UBXN8: variants seen among roughly 807,000 people sequenced by gnomAD.
UBXN8 encodes the protein UBX domain protein 8.
A neutral mutation model predicts 32.1 loss-of-function variants in UBXN8; 27 were observed. That is an observed-to-expected ratio of 0.84 (90% CI 0.62 to 1.16). The LOEUF (loss-of-function observed/expected upper bound fraction) is 1.16. UBXN8 is among the 50% of genes most tolerant of loss of function. The pLI is 0.00. For missense variants in UBXN8, 306 were observed against 311.4 expected (o/e 0.98, Z 0.13); for synonymous variants, 109 against 111.8 (o/e 0.98, Z 0.16).
At position 30,759,267 on chromosome 8, in the gene UBXN8, ACT is replaced by A. The variant is rs547567715; in HGVS notation, c.529-1618_529-1617del. On this transcript the variant is annotated intron_variant, in intron 5 of 7. Transcript: ENST00000265616. The stretch of plus-strand genomic sequence containing the variant: ...TTTTATTTTTTTGAGACAGAGCCTC[ACT>A]CTGTCACCCAGGCTGGAGTGCAGTG... Among the ~76,000 whole-genome samples, 557 of 146,264 alleles carry A rather than the reference ACT, an allele frequency of 3.8e-3. 5 individuals carry two copies. The highest frequency in any genetic ancestry group is 0.014 in the African/African-American group (528 of 38,316).
intron 1 of UBXN8, among the ~76,000 whole-genome samples, chr8:30,750,621 A>C (rs1805494795): frequency 6.6e-6 from 1 of 151,926 alleles, no homozygotes; most frequent in Admixed American, 6.6e-5. Flanking sequence ...AAAATACAAA[A>C]AATTAGCCAG....
rs1805520655 is a variant in UBXN8 at position 30,751,456 on chromosome 8, T to C, written c.149T>C (p.Leu50Ser). 6.2e-7 allele frequency: 1 copy of C among 1,610,494 alleles called. No individual in the cohort carries two copies. The highest frequency in any genetic ancestry group is 1.7e-5 in the Admixed American group (1 of 59,504). ...TTGCTACTGCTTGCTCTTCTTACTT[T>C]AACTATTTCTGTGACTACCTCATGG... The part of the protein sequence containing the change: ...RILLLLALLT[L>S]TISVTTSWLN... Residue 50 changes from leucine to serine, a missense_variant, in exon 2 of 8, where the codon TTA (leucine) becomes TCA (serine). Transcript: ENST00000265616.
chr8:30,763,153 T>C, intron 6 of UBXN8, 120 bp from the exon 7 acceptor site: 1 of 974,684 alleles, frequency 1.0e-6, no homozygotes, highest in Non-Finnish European at 1.6e-6. Flanking sequence ...CCTACCTATG[T>C]CTTTTAATAA....
At chr8:30,755,176 C>T (rs1363718672) in intron 4 of UBXN8, among the ~76,000 whole-genome samples, 1 of 151,990 alleles carries the variant, frequency 6.6e-6, no homozygotes, top group Non-Finnish European at 1.5e-5. Context: ...AGGATGGTCT[C>T]AATCTCCTGA....
At position 30,763,273 on chromosome 8, in the gene UBXN8, GT is replaced by G; in HGVS notation, c.572del (p.Val191GlufsTer14). ...PEEPSQTAEE[V>X]VTVALRCPSG... The stretch of plus-strand genomic sequence containing the variant: ...TCTTATGTGAATATTTCTTCCTTAG[GT>G]AGTTACTGTTGCTCTCCGATGTCCC... On this transcript the variant is annotated frameshift_variant and splice_region_variant, in exon 7 of 8. Coordinates refer to ENST00000265616, the MANE Select transcript of UBXN8 (RefSeq NM_005671.4). LOFTEE classifies it high-confidence loss of function. The G allele has an allele frequency of 6.2e-7, 1 of 1,613,770 alleles. No individual in the cohort carries two copies. The highest frequency in any genetic ancestry group is 1.1e-5 in the South Asian group (1 of 91,082).
intron 4 of UBXN8, among the ~76,000 whole-genome samples, chr8:30,755,713 G>A (rs1170044981): frequency 7.4e-6 from 1 of 134,736 alleles, no homozygotes; most frequent in Non-Finnish European, 1.6e-5. Flanking sequence ...AGCTGTGACT[G>A]TACCACTGCA....
At chr8:30,763,024 C>T (rs1220534554) in intron 6 of UBXN8, 2 of 477,634 alleles carry the variant, frequency 4.2e-6, no homozygotes, top group Admixed American at 3.5e-5. Context: ...CGTGCACCCA[C>T]ATCTAGCTAA....
At chr8:30,759,704 C>A (rs1311956955) in intron 5 of UBXN8, among the ~76,000 whole-genome samples, 2 of 151,482 alleles carry the variant, frequency 1.3e-5, no homozygotes, top group Admixed American at 6.6e-5. Context: ...CGCCTGTAAT[C>A]CCAGGACTTT....
In UBXN8 at chr8:30,757,854, C is replaced by T. The variant is rs544429805; in HGVS notation, c.528+967C>T. Among the ~76,000 whole-genome samples the T allele has an allele frequency of 8.3e-3, 1,185 of 143,266 alleles. 8 individuals are homozygous for T. Among genetic ancestry groups the T allele is most frequent in the Non-Finnish European group, 0.014 (906 of 65,816 alleles). 94.0% of individuals were successfully genotyped at this position (143,266 alleles called of 152,430 possible). ...CAGCCTGCGCGACAGAGTGAGACTC[C>T]GTCTCAAAAAAAAAAAAAAAAAAGA... On this transcript the variant is annotated intron_variant, in intron 5 of 7. Coordinates refer to ENST00000265616, the MANE Select transcript of UBXN8 (RefSeq NM_005671.4).
chr8:30,743,688 A>C (rs575760767), upstream of UBXN8, among the ~76,000 whole-genome samples: 1 of 152,234 alleles, frequency 6.6e-6, no homozygotes, highest in African/African-American at 2.4e-5. Context: ...GCCAGGCCCC[A>C]CTTTCGAGTT....
intron 3 of UBXN8, 22 bp downstream of exon 3, chr8:30,753,127 C>T: frequency 6.8e-7 from 1 of 1,479,198 alleles, no homozygotes; most frequent in East Asian, 2.6e-5. Context: ...TTTTTAGAGA[C>T]TTTATGCGTA....
chr8:30,744,857 T>C lies in UBXN8; in HGVS notation c.88+580T>C, dbSNP rs546004159. On this transcript the variant is annotated intron_variant, in intron 1 of 7. Coordinates refer to ENST00000265616, the MANE Select transcript of UBXN8 (RefSeq NM_005671.4). ...ACGTTGGAGGAAAAGGTGAAGGCCA[T>C]TGTGGCTGAATCAAGGAGAGTTGGG... Among the ~76,000 whole-genome samples the C allele has an allele frequency of 2.5e-3, 387 of 152,276 alleles. 2 individuals carry two copies. Among genetic ancestry groups the C allele is most frequent in the African/African-American group, 8.9e-3 (368 of 41,560 alleles).
chr8:30,732,179 C>A (rs1033873417), upstream of UBXN8: 2 of 352,108 alleles, frequency 5.7e-6, no homozygotes, highest in Non-Finnish European at 1.0e-5. Flanking sequence ...TTCGGGGAGG[C>A]ATTGGCTCGA....
Position 30,751,424 on chromosome 8 carries a change from C to A in UBXN8, c.117C>A (p.Gly39=). Reference sequence around the variant, plus strand: ...TCAAGGATTTTCTTTTGCTTTGTGGCCGGATTTTGCTACTGCTTGCTCTTC... The same window carrying A: ...TCAAGGATTTTCTTTTGCTTTGTGGACGGATTTTGCTACTGCTTGCTCTTC... ...IGIKDFLLLC[G]RILLLLALLT... Residue 39 remains glycine, a synonymous_variant, in exon 2 of 8, where the codon GGC becomes GGA. Coordinates refer to ENST00000265616, the MANE Select transcript of UBXN8 (RefSeq NM_005671.4). 1 of 1,597,756 alleles carries A rather than the reference C, an allele frequency of 6.3e-7. No homozygotes were observed. The highest frequency in any genetic ancestry group is 8.5e-7 in the Non-Finnish European group (1 of 1,171,178).
intron 1 of UBXN8, among the ~76,000 whole-genome samples, chr8:30,735,796 A>G (rs11986072): frequency 0.25 from 37,628 of 151,968 alleles, 5,241 homozygotes; most frequent in African/African-American, 0.39. Flanking sequence ...CTGAGATCAC[A>G]CTACCGCACC....
intron 5 of UBXN8, among the ~76,000 whole-genome samples, chr8:30,760,445 T>TATATATATATATA (rs59139295): frequency 1.3e-4 from 4 of 31,158 alleles, no homozygotes; most frequent in African/African-American, 1.5e-4. Flanking sequence ...ATATATATAT[T>TATATATATATATA]TTTTTTTTTT....
At chr8:30,735,572 C>T (rs757770083) in intron 1 of UBXN8, among the ~76,000 whole-genome samples, 21 of 152,278 alleles carry the variant, frequency 1.4e-4, no homozygotes, top group Middle Eastern at 3.4e-3. Context: ...AGCTCAGTGG[C>T]TCACGCCTAT....
chr8:30,731,062 C>T (rs149421627), upstream of UBXN8, among the ~76,000 whole-genome samples: 1 of 152,182 alleles, frequency 6.6e-6, no homozygotes, highest in Non-Finnish European at 1.5e-5. Context: ...GCTGTCAGAG[C>T]TTGCAGCGTA....
At chr8:30,755,588 AC>A (rs1472737377) in intron 4 of UBXN8, among the ~76,000 whole-genome samples, 8 of 5,950 alleles carry the variant, frequency 1.3e-3, no homozygotes, top group East Asian at 0.056. Context: ...CCCTGTCTCT[AC>A]AAAAAAAAAA....
Sources: allele counts gnomAD v4.1 joint callset (sites outside exome capture counted in the v4.1 genomes callset), GRCh38; gene constraint gnomAD v4.1.1; transcripts MANE v1.5; gene names NCBI Gene and HGNC (gene_info 2026-07-23, HGNC 2026-07-21).